The following CDH13 variants were observed in gnomAD, a reference collection of about 807,000 sequenced individuals.
CDH13 encodes the protein cadherin 13.
A neutral mutation model predicts 63.8 loss-of-function variants in CDH13; 24 were observed. That is an observed-to-expected ratio of 0.38 (90% CI 0.27 to 0.53). CDH13 has a LOEUF of 0.53. Ranked by LOEUF, CDH13 falls within the 20% of genes least tolerant of loss-of-function variation. CDH13 has a pLI of 0.85. For synonymous variants in CDH13, 503 were observed against 355.3 expected (o/e 1.42, Z -4.67); for missense variants, 1,049 against 903.1 (o/e 1.16, Z -2.07).
chr16:82,634,600 A>T (rs1483397000), intron 1 of CDH13, among the ~76,000 whole-genome samples: 2 of 152,204 alleles, frequency 1.3e-5, no homozygotes, highest in Non-Finnish European at 2.9e-5. Context: ...ACACCTATTC[A>T]TTTATGTAAT....
chr16:82,948,036 T>C (rs145945731), intron 2 of CDH13, among the ~76,000 whole-genome samples: 1 of 152,206 alleles, frequency 6.6e-6, no homozygotes, highest in African/African-American at 2.4e-5. Flanking sequence ...AACATGGTAA[T>C]TTAATATTTA....
chr16:83,206,028 T>C (rs2039172264), intron 4 of CDH13, among the ~76,000 whole-genome samples: 1 of 152,158 alleles, frequency 6.6e-6, no homozygotes. Flanking sequence ...AACAGCCTTG[T>C]GCTGGTTACA....
At chr16:83,132,178 A>G (rs2036082528) in intron 4 of CDH13, among the ~76,000 whole-genome samples, 1 of 152,154 alleles carries the variant, frequency 6.6e-6, no homozygotes, top group Non-Finnish European at 1.5e-5. Flanking sequence ...CTATATCCTT[A>G]GAGGCTGAAC....
At chr16:83,636,912 C>T (rs995386575) in intron 8 of CDH13, among the ~76,000 whole-genome samples, 2 of 152,180 alleles carry the variant, frequency 1.3e-5, no homozygotes, top group African/African-American at 4.8e-5. Context: ...CCTAGTTCTA[C>T]CAACATCTGT....
At chr16:83,596,544 G>A (rs1907276573) in intron 7 of CDH13, among the ~76,000 whole-genome samples, 1 of 152,180 alleles carries the variant, frequency 6.6e-6, no homozygotes, top group African/African-American at 2.4e-5. Flanking sequence ...GACACCTAAA[G>A]AGCATCTCTT....
chr16:82,803,673 C>G (rs2036987637), intron 1 of CDH13, among the ~76,000 whole-genome samples: 1 of 152,102 alleles, frequency 6.6e-6, no homozygotes, highest in South Asian at 2.1e-4. Context: ...CCATTTGTGA[C>G]AATATGGATG....
chr16:83,400,215 CTT>C (rs1360696070), intron 6 of CDH13, among the ~76,000 whole-genome samples: 1 of 151,936 alleles, frequency 6.6e-6, no homozygotes, highest in African/African-American at 2.4e-5. Context: ...AAAGGGATGA[CTT>C]TTAAAGAAAT....
intron 6 of CDH13, among the ~76,000 whole-genome samples, chr16:83,423,122 G>A (rs2071766154): frequency 6.6e-6 from 1 of 152,048 alleles, no homozygotes; most frequent in African/African-American, 2.4e-5. Context: ...CCCATTTTCT[G>A]CTATATTGAC....
intron 2 of CDH13, among the ~76,000 whole-genome samples, chr16:82,913,858 C>T (rs981942405): frequency 6.6e-6 from 1 of 152,054 alleles, no homozygotes; most frequent in African/African-American, 2.4e-5. Flanking sequence ...AAGAAGGTAA[C>T]CACTCGGAGC....
chr16:83,418,070 G>A (rs1030570367), intron 6 of CDH13, among the ~76,000 whole-genome samples: 15 of 152,098 alleles, frequency 9.9e-5, no homozygotes, highest in African/African-American at 3.6e-4. Flanking sequence ...AGTAGAACAT[G>A]GCAGTTAGGA....
chr16:83,414,795 A>G (rs1221609102), intron 6 of CDH13, among the ~76,000 whole-genome samples: 1 of 152,152 alleles, frequency 6.6e-6, no homozygotes, highest in African/African-American at 2.4e-5. Flanking sequence ...TGTATGTGTC[A>G]TATTTATCCA....
intron 4 of CDH13, among the ~76,000 whole-genome samples, chr16:83,207,991 T>G (rs1011281343): frequency 6.6e-6 from 1 of 152,198 alleles, no homozygotes; most frequent in African/African-American, 2.4e-5. Flanking sequence ...CCCCTCATTG[T>G]GTGTTGCTGG....
At chr16:83,022,617 T>C (rs1915446505) in intron 2 of CDH13, among the ~76,000 whole-genome samples, 1 of 152,164 alleles carries the variant, frequency 6.6e-6, no homozygotes, top group Non-Finnish European at 1.5e-5. Flanking sequence ...ATCCTGGAGG[T>C]GGATCTGTGC....
chr16:83,305,659 A>G (rs111562937), intron 5 of CDH13, among the ~76,000 whole-genome samples: 6 of 152,308 alleles, frequency 3.9e-5, no homozygotes, highest in South Asian at 2.1e-4. Context: ...TTGGAGCCAG[A>G]TGGGAGTTTG....
At chr16:82,901,617 T>C (rs181432902) in intron 2 of CDH13, among the ~76,000 whole-genome samples, 1 of 152,300 alleles carries the variant, frequency 6.6e-6, no homozygotes, top group African/African-American at 2.4e-5. Flanking sequence ...TTGCTCAATA[T>C]ATTTTTCAGT....
At chr16:83,695,734 GA>G (rs1905311408) in intron 10 of CDH13, among the ~76,000 whole-genome samples, 1 of 152,166 alleles carries the variant, frequency 6.6e-6, no homozygotes, top group Admixed American at 6.5e-5. Flanking sequence ...TAACTAAATA[GA>G]AAGTCTAGAA....
In CDH13 at chr16:83,257,186, G is replaced by A. The variant is rs1052684878; in HGVS notation, c.636+39689G>A. On this transcript the variant is annotated intron_variant, in intron 5 of 13. Transcript: ENST00000567109. ...TTTGAGCCTGCTTCCTCGAGGGTGA[G>A]TAGGAGAAAAGACAGTAGGGCTTCA... Among the ~76,000 whole-genome samples, 12 of 152,198 alleles carry A rather than the reference G, an allele frequency of 7.9e-5. No individual in the cohort carries two copies. The South Asian group carries it at 1.2e-3, about 16-fold the overall frequency.
intron 8 of CDH13, among the ~76,000 whole-genome samples, chr16:83,612,882 C>A (rs765129318): frequency 2.0e-5 from 3 of 152,014 alleles, no homozygotes; most frequent in African/African-American, 4.8e-5. Flanking sequence ...TACTTATTTA[C>A]CCTTTGTATT....
At chr16:83,150,228 G>C (rs898267224) in intron 4 of CDH13, among the ~76,000 whole-genome samples, 1 of 152,148 alleles carries the variant, frequency 6.6e-6, no homozygotes, top group Non-Finnish European at 1.5e-5. Flanking sequence ...CCACCAATGA[G>C]AGTGATCTTC....
Sources: gnomAD v4.1 joint callset for allele counts (sites outside exome capture counted in the v4.1 genomes callset) on GRCh38, gnomAD v4.1.1 for gene constraint, MANE v1.5 for transcripts, NCBI Gene and HGNC (gene_info 2026-07-23, HGNC 2026-07-21) for gene names.